ARHGEF10: variants seen among roughly 807,000 people sequenced by gnomAD.
ARHGEF10 encodes Rho guanine nucleotide exchange factor (GEF) 10.
A neutral mutation model predicts 147.4 loss-of-function variants in ARHGEF10; 140 were observed. The ratio of observed to expected loss-of-function variants is 0.95; its 90% CI spans 0.83 to 1.09. ARHGEF10 has a LOEUF of 1.09. Among genes scored for constraint, ARHGEF10 ranks in the 50% least tolerant of loss-of-function variants. The pLI, the probability that ARHGEF10 is intolerant of heterozygous loss-of-function variation, is 0.00. For synonymous variants in ARHGEF10, 902 were observed against 695.8 expected (o/e 1.30, Z -4.67); for missense variants, 2,222 against 1,752.7 (o/e 1.27, Z -4.78).
At chr8:1,910,960 T>G (rs1811311700) in intron 18 of ARHGEF10, among the ~76,000 whole-genome samples, 2 of 152,214 alleles carry the variant, frequency 1.3e-5, no homozygotes, top group African/African-American at 4.8e-5. Flanking sequence ...CTAACTTAGA[T>G]TGATTCAGTT....
In ARHGEF10 at chr8:1,866,635, T is replaced by G. The variant is rs1806644926; in HGVS notation, c.622+33T>G. On this transcript the variant is annotated intron_variant, in intron 6 of 28. Coordinates refer to ENST00000349830, the MANE Select transcript of ARHGEF10 (RefSeq NM_014629.4). ...CCCCAGCTGCCCACAGCCAGAATCC[T>G]CACCACGCTCCACAGACGTCACTGC... 9 of 1,592,378 alleles carry G rather than the reference T, an allele frequency of 5.7e-6. No homozygotes were observed. The East Asian group carries it at 2.0e-4, about 36-fold the overall frequency.
chr8:1,877,074 A>T (rs924078040), intron 8 of ARHGEF10, among the ~76,000 whole-genome samples: 1 of 152,258 alleles, frequency 6.6e-6, no homozygotes, highest in East Asian at 1.9e-4. Flanking sequence ...AACACTGAAT[A>T]GATGGGATCG....
chr8:1,867,205 G>T (rs573194048), intron 6 of ARHGEF10, among the ~76,000 whole-genome samples: 1 of 152,086 alleles, frequency 6.6e-6, no homozygotes, highest in Non-Finnish European at 1.5e-5. Flanking sequence ...AAGTTCTGTA[G>T]CGTATTTTTC....
At chr8:1,846,752 T>G (rs1804594036) in intron 2 of ARHGEF10, among the ~76,000 whole-genome samples, 1 of 152,108 alleles carries the variant, frequency 6.6e-6, no homozygotes, top group Non-Finnish European at 1.5e-5. Context: ...AATTTTTGTA[T>G]TTTTAGTAGA....
At chr8:1,858,566 G>C (rs1010341396) in intron 3 of ARHGEF10, among the ~76,000 whole-genome samples, 3 of 152,170 alleles carry the variant, frequency 2.0e-5, no homozygotes, top group African/African-American at 7.2e-5. Flanking sequence ...TGTATCACTA[G>C]ATTAAAAGAA....
intron 1 of ARHGEF10, among the ~76,000 whole-genome samples, chr8:1,831,860 G>C (rs1291055102): frequency 6.6e-6 from 1 of 152,200 alleles, no homozygotes; most frequent in African/African-American, 2.4e-5. Flanking sequence ...GGATCCTATG[G>C]GGCTGTGGCC....
rs946040384 is a variant in ARHGEF10 at position 1,923,188 on chromosome 8, T to A, written c.2259+109T>A. The A allele has an allele frequency of 6.3e-6, 6 of 955,636 alleles. No individual in the cohort carries two copies. In the East Asian group the frequency reaches 1.2e-4, roughly 20 times the overall value. The allele number at this position is 955,636 out of a possible 1,614,324, so 59.2% of individuals were successfully genotyped here. On this transcript the variant is annotated intron_variant, in intron 19 of 28. Coordinates refer to ENST00000349830, the MANE Select transcript of ARHGEF10 (RefSeq NM_014629.4). ...CAGAAGTGAGAATTCATTTTGACTT[T>A]AAAAATTAATCTGAATGTACATTTT... is the stretch of plus-strand genomic sequence containing the variant.
chr8:1,907,539 C>T (rs1810998361), intron 17 of ARHGEF10, among the ~76,000 whole-genome samples: 1 of 152,228 alleles, frequency 6.6e-6, no homozygotes, highest in Non-Finnish European at 1.5e-5. Context: ...GCTCCAGAAC[C>T]CCTCAGGCTG....
rs188699321 is a variant in ARHGEF10, at chr8:1,936,329, A to G, written c.3222+2387A>G. ...CAAGAGTTCAAGACCAGGCTGGGCA[A>G]CATGGCAAAACCCCATCTCTACAAA... On this transcript the variant is annotated intron_variant, in intron 26 of 28. Coordinates refer to ENST00000349830, the MANE Select transcript of ARHGEF10 (RefSeq NM_014629.4). 4.9e-4 allele frequency among the ~76,000 whole-genome samples: 74 copies of G among 152,312 alleles called. 1 individual carries two copies. Among genetic ancestry groups the G allele is most frequent in the Non-Finnish European group, 4.4e-5 (3 of 68,030 alleles).
Position 1,866,585 on chromosome 8 carries a change from A to T in ARHGEF10, c.605A>T (p.Asn202Ile), listed in dbSNP as rs868193675. ...ALARWAADPA[N>I]TAWMENPEEA... Reference sequence around the variant, plus strand: ...GCCCGCTGGGCCGCAGACCCGGCCAACACAGCCTGGATGGAGAGTAAGTTC... The same window carrying T: ...GCCCGCTGGGCCGCAGACCCGGCCATCACAGCCTGGATGGAGAGTAAGTTC... The change falls in exon 6 of 29, where the codon AAC (asparagine) becomes ATC (isoleucine). Residue 202 changes from asparagine (N) to isoleucine (I), a missense_variant. Transcript: ENST00000349830. 1 of 1,606,494 alleles carries T rather than the reference A, an allele frequency of 6.2e-7. No individual in the cohort carries two copies. The highest frequency in any genetic ancestry group is 8.5e-7 in the Non-Finnish European group (1 of 1,180,000).
intron 11 of ARHGEF10, among the ~76,000 whole-genome samples, chr8:1,890,201 AG>A (rs1329936353): frequency 5.9e-5 from 7 of 117,790 alleles, no homozygotes; most frequent in African/African-American, 1.8e-4. Flanking sequence ...GAATAGGGTG[AG>A]GGTTGTGAAG....
chr8:1,861,049 G>T (rs1410051339), intron 4 of ARHGEF10, among the ~76,000 whole-genome samples: 3 of 152,212 alleles, frequency 2.0e-5, no homozygotes, highest in African/African-American at 7.2e-5. Flanking sequence ...GGTGTTCCCT[G>T]TAGCCAGGAC....
intron 17 of ARHGEF10, among the ~76,000 whole-genome samples, chr8:1,907,529 G>C (rs541122706): frequency 1.4e-4 from 22 of 152,288 alleles, no homozygotes; most frequent in African/African-American, 5.1e-4. Flanking sequence ...ACTGACTGCT[G>C]CTCCAGAACC....
Position 1,929,403 on chromosome 8 carries a change from C to T in ARHGEF10, c.3039C>T (p.Gly1013=). 6.2e-7 allele frequency: 1 copy of T among 1,612,598 alleles called. No individual in the cohort carries two copies. Among genetic ancestry groups the T allele is most frequent in the Non-Finnish European group, 8.5e-7 (1 of 1,179,696 alleles). Residue 1013 remains glycine (G), a synonymous_variant, in exon 25 of 29, where the codon GGC becomes GGT. Transcript: ENST00000349830. ...GCACGTCTCAGAGCCTGTACGCTGG[C>T]CTGGTCAACGGGGCAGTCGCCAGCT... is the stretch of plus-strand genomic sequence containing the variant. ...LACTSQSLYA[G]LVNGAVASYA... is the part of the protein sequence containing the mutation.
At chr8:1,930,015 A>T (rs1021384783) in intron 25 of ARHGEF10, among the ~76,000 whole-genome samples, 3 of 152,088 alleles carry the variant, frequency 2.0e-5, no homozygotes, top group African/African-American at 7.2e-5. Context: ...CGTTGGTGGC[A>T]GCTGTGCTTT....
At chr8:1,881,592 A>G (rs1808201337) in intron 9 of ARHGEF10, among the ~76,000 whole-genome samples, 1 of 149,246 alleles carries the variant, frequency 6.7e-6, no homozygotes, top group South Asian at 2.1e-4. Context: ...CAGCATTGCA[A>G]GTGATGGAGA....
chr8:1,931,531 C>A (rs1479180328), intron 25 of ARHGEF10, among the ~76,000 whole-genome samples: 4 of 152,126 alleles, frequency 2.6e-5, no homozygotes, highest in African/African-American at 7.2e-5. Context: ...TCTTTCTCAC[C>A]AAGAGCTGTC....
chr8:1,864,040 C>G (rs1390094171), intron 4 of ARHGEF10, among the ~76,000 whole-genome samples: 1 of 151,646 alleles, frequency 6.6e-6, no homozygotes, highest in South Asian at 2.1e-4. Context: ...CCTGATGCAT[C>G]TGGGTGCCGG....
chr8:1,862,239 C>G (rs144619868), intron 4 of ARHGEF10, among the ~76,000 whole-genome samples: 1 of 152,240 alleles, frequency 6.6e-6, no homozygotes, highest in Non-Finnish European at 1.5e-5. Context: ...GCGGGGCGGC[C>G]GCCTGGCTCT....
Sources: allele counts gnomAD v4.1 joint callset (sites outside exome capture counted in the v4.1 genomes callset), GRCh38; gene constraint gnomAD v4.1.1; transcripts MANE v1.5; gene names NCBI Gene and HGNC (gene_info 2026-07-23, HGNC 2026-07-21).